The following UBXN7 variants were observed in gnomAD, a reference collection of about 807,000 sequenced individuals.
UBXN7 encodes UBX domain protein 7, also known as UBX domain-containing protein 7.
Under a neutral mutation model 58.0 loss-of-function variants are expected in UBXN7, and 9 were observed. The observed-to-expected ratio is 0.16, with a 90% CI of 0.09 to 0.27. The LOEUF (loss-of-function observed/expected upper bound fraction) is 0.27. Among genes scored for constraint, UBXN7 ranks in the 10% least tolerant of loss-of-function variants. The pLI is 1.00. For synonymous variants in UBXN7, 208 were observed against 205.0 expected, an observed-to-expected ratio of 1.01 and a Z score of -0.12; for missense variants, 328 against 599.6, an observed-to-expected ratio of 0.55 and a Z score of 4.73.
intron 3 of UBXN7, among the ~76,000 whole-genome samples, chr3:196,394,092 C>G (rs1156765143): frequency 1.3e-5 from 2 of 151,660 alleles, no homozygotes; most frequent in South Asian, 4.2e-4. Flanking sequence ...AGTTTGAGAC[C>G]AGCCTGACCA....
Position 196,356,754 on chromosome 3 carries a change from G to A in UBXN7, c.1401C>T (p.Asp467=), listed in dbSNP as rs1728359789. 6.2e-7 allele frequency: 1 copy of A among 1,613,868 alleles called. No individual in the cohort carries two copies. The highest frequency in any genetic ancestry group is 8.5e-7 in the Non-Finnish European group (1 of 1,179,976). The part of the protein sequence containing the change: ...NFPRRKLSHL[D]YDITLQEAGL... The stretch of plus-strand genomic sequence containing the variant: ...CTGCCTCTTGCAATGTAATATCATA[G>A]TCCAGATGAGATAATTTCCTTCGAG... The change falls in exon 11 of 11, where the codon GAC becomes GAT. Residue 467 remains aspartate, a synonymous_variant. Coordinates refer to ENST00000296328, the MANE Select transcript of UBXN7 (RefSeq NM_015562.2).
intron 5 of UBXN7, among the ~76,000 whole-genome samples, chr3:196,385,445 G>A (rs923822095): frequency 5.3e-5 from 8 of 151,178 alleles, no homozygotes; most frequent in South Asian, 2.1e-4. Context: ...AGTGAGGAGC[G>A]CCTCTGCCCG....
intron 6 of UBXN7, 123 bp from the exon 7 acceptor site, chr3:196,369,634 A>C: frequency 1.6e-6 from 1 of 640,056 alleles, no homozygotes; most frequent in Non-Finnish European, 2.7e-6. Context: ...TTAAGATCTC[A>C]CTCCTACACT....
Position 196,368,045 on chromosome 3 carries a change from T to G in UBXN7, c.817A>C (p.Lys273Gln), listed in dbSNP as rs964841625. The part of the protein sequence containing the change: ...QLDGLSSSPP[K>Q]KCARSESLID... The stretch of plus-strand genomic sequence containing the variant: ...ATACTTACTGAACGGGCACATTTTT[T>G]GGGGGGACTGCTAGAAAGTCCATCC... The change falls in exon 8 of 11, where the codon AAA (lysine) becomes CAA (glutamine). Residue 273 changes from lysine (K) to glutamine (Q), a missense_variant. Lys to Gln is a moderately conservative substitution (Grantham distance 53, BLOSUM62 1). This residue lies in a region of UBXN7 where 126 missense variants were observed against 302.6 expected (regional missense o/e 0.42). Coordinates refer to ENST00000296328, the MANE Select transcript of UBXN7 (RefSeq NM_015562.2). 1.9e-6 allele frequency: 3 copies of G among 1,613,348 alleles called. No individual in the cohort carries two copies. The highest frequency in any genetic ancestry group is 1.7e-5 in the Admixed American group (1 of 59,886).
rs188680260 is a variant in UBXN7, at chr3:196,357,819, C to T, written c.1309-973G>A. ...TTGCAGTGAGCCAAGATCATGCCAC[C>T]CGCACTCCAGCCTGGGTAACAGAGC... On this transcript the variant is annotated intron_variant, in intron 10 of 10. Transcript: ENST00000296328. Among the ~76,000 whole-genome samples the T allele has an allele frequency of 5.1e-3, 776 of 151,240 alleles. 4 individuals carry two copies. The highest frequency in any genetic ancestry group is 9.3e-3 in the Non-Finnish European group (627 of 67,750).
At chr3:196,407,022 C>A (rs1174692050) in intron 2 of UBXN7, among the ~76,000 whole-genome samples, 1 of 152,094 alleles carries the variant, frequency 6.6e-6, no homozygotes, top group African/African-American at 2.4e-5. Context: ...CCCCATCTCC[C>A]CGACTTCACA....
rs79543575 is a variant in UBXN7, at chr3:196,409,420, C to T, written c.74-2027G>A. Among the ~76,000 whole-genome samples the T allele has an allele frequency of 5.1e-3, 769 of 152,184 alleles. 6 individuals carry two copies. Among genetic ancestry groups the T allele is most frequent in the African/African-American group, 0.018 (749 of 41,514 alleles). ...TTTCTTGTTTCTGCTGGATCTTGCT[C>T]ACTGTGTCACAGTTTTTGTGTGATT... On this transcript the variant is annotated intron_variant, in intron 1 of 10. Transcript: ENST00000296328.
intron 5 of UBXN7, among the ~76,000 whole-genome samples, chr3:196,384,603 T>C (rs558123524): frequency 9.9e-5 from 15 of 152,178 alleles, no homozygotes; most frequent in African/African-American, 3.4e-4. Flanking sequence ...TTATCCACCA[T>C]GATCAAGTCG....
At position 196,372,107 on chromosome 3, in the gene UBXN7, T is replaced by C. The variant is rs1213708290; in HGVS notation, c.469-65A>G. On this transcript the variant is annotated intron_variant, in intron 5 of 10. Transcript: ENST00000296328. The stretch of plus-strand genomic sequence containing the variant: ...TACTTAGTGACAGATGTTTCCGTAG[T>C]TGTTCAGAGGTTGTTGTCTTTCATT... 7.9e-6 allele frequency: 12 copies of C among 1,514,908 alleles called. 1 individual carries two copies. Among genetic ancestry groups the C allele is most frequent in the Middle Eastern group, 3.5e-4 (2 of 5,680 alleles). 93.8% of individuals were successfully genotyped at this position (1,514,908 alleles called of 1,614,324 possible). A position where few individuals can be genotyped will look rare whatever the true frequency, so the allele number is the denominator to read the frequency against.
rs751004310 is a variant in UBXN7 at position 196,361,877 on chromosome 3, T to C, written c.1275A>G (p.Glu425=). The C allele has an allele frequency of 6.8e-6, 11 of 1,613,990 alleles. No homozygotes were observed. The South Asian group carries it at 1.1e-4, about 16-fold the overall frequency. The change falls in exon 10 of 11, where the codon GAA becomes GAG. Residue 425 remains glutamate, a synonymous_variant. Transcript: ENST00000296328. The part of the protein sequence containing the change: ...LMLRYPDGKR[E]QITLPEQAKL... ...TAGCTTGCTCTGGAAGAGTGATCTG[T>C]TCCCTTTTTCCATCTGGATACCGCA...
At chr3:196,396,817 A>G (rs938715121) in intron 3 of UBXN7, among the ~76,000 whole-genome samples, 1 of 152,162 alleles carries the variant, frequency 6.6e-6, no homozygotes, top group African/African-American at 2.4e-5. Flanking sequence ...TAGCTGCCTA[A>G]GAAAGTATAT....
chr3:196,427,835 G>A (rs1361656246), intron 1 of UBXN7, among the ~76,000 whole-genome samples: 2 of 152,186 alleles, frequency 1.3e-5, no homozygotes, highest in African/African-American at 4.8e-5. Context: ...GACACAGAAA[G>A]CATCAGTGGG....
chr3:196,360,581 G>C (rs1347064300), intron 10 of UBXN7, among the ~76,000 whole-genome samples: 1 of 152,116 alleles, frequency 6.6e-6, no homozygotes, highest in Non-Finnish European at 1.5e-5. Context: ...TCAGAAAAAA[G>C]ATTCAACATA....
At chr3:196,410,131 G>A (rs1347887101) in intron 1 of UBXN7, among the ~76,000 whole-genome samples, 1 of 151,852 alleles carries the variant, frequency 6.6e-6, no homozygotes, top group Admixed American at 6.6e-5. Flanking sequence ...GTAAAGACAG[G>A]GTTTCACCAT....
Position 196,354,216 on chromosome 3 carries a change from G to C in UBXN7, c.*2469C>G, listed in dbSNP as rs1728286005. 1 of 152,210 alleles carries C rather than the reference G, an allele frequency of 6.6e-6. No homozygotes were observed. The highest frequency in any genetic ancestry group is 2.4e-5 in the African/African-American group (1 of 41,462). The allele number at this position is 152,210 out of a possible 1,614,324, so 9.4% of individuals were successfully genotyped here. The stretch of plus-strand genomic sequence containing the variant: ...ACATCCCAGCTGCATGTTAAGCTGA[G>C]TGAAAGTACCATGCTGTCTTTTAAA... On this transcript the variant is annotated 3_prime_UTR_variant, in exon 11 of 11. Coordinates refer to ENST00000296328, the MANE Select transcript of UBXN7 (RefSeq NM_015562.2).
At chr3:196,408,882 G>A (rs1374104265) in intron 1 of UBXN7, among the ~76,000 whole-genome samples, 1 of 152,076 alleles carries the variant, frequency 6.6e-6, no homozygotes, top group East Asian at 1.9e-4. Flanking sequence ...TTGTCAGGGT[G>A]ATTTTATTTA....
intron 1 of UBXN7, among the ~76,000 whole-genome samples, chr3:196,420,437 A>G (rs2108624137): frequency 6.6e-6 from 1 of 152,038 alleles, no homozygotes; most frequent in South Asian, 2.1e-4. Flanking sequence ...AGTCTGAGGC[A>G]GAAGAATCGT....
chr3:196,361,992 T>C lies in UBXN7; in HGVS notation c.1229-69A>G. On this transcript the variant is annotated intron_variant, in intron 9 of 10. Coordinates refer to ENST00000296328, the MANE Select transcript of UBXN7 (RefSeq NM_015562.2). The stretch of plus-strand genomic sequence containing the variant: ...GTTTAAGACAGAATATTAGTTTAAA[T>C]AAATATGTAAATAAATACAGCCATT... 1.0e-5 allele frequency: 14 copies of C among 1,382,810 alleles called. No homozygotes were observed. The South Asian group carries it at 1.7e-4, about 17-fold the overall frequency. 85.7% of individuals were successfully genotyped at this position (1,382,810 alleles called of 1,614,324 possible).
intron 3 of UBXN7, among the ~76,000 whole-genome samples, chr3:196,396,953 T>C (rs555516383): frequency 6.6e-6 from 1 of 152,308 alleles, no homozygotes; most frequent in South Asian, 2.1e-4. Flanking sequence ...GATCTCCGTA[T>C]ACTCACTAGT....
Sources: gnomAD v4.1 joint callset for allele counts (sites outside exome capture counted in the v4.1 genomes callset) on GRCh38, gnomAD v4.1.1 for gene constraint, gnomAD v4.1.1 regional missense constraint, MANE v1.5 for transcripts, NCBI Gene and HGNC (gene_info 2026-07-23, HGNC 2026-07-21) for gene names.